Variants in COL25A1 observed in about 807,000 individuals in gnomAD.
COL25A1 encodes the protein collagen alpha-1(XXV) chain.
Under a neutral mutation model 128.4 loss-of-function variants are expected in COL25A1, and 103 were observed. The observed-to-expected ratio is 0.80, with a 90% CI of 0.68 to 0.94. The LOEUF is 0.94. Ranked by LOEUF, COL25A1 falls within the 40% of genes least tolerant of loss-of-function variation. The probability of loss-of-function intolerance (pLI) is 0.00; values close to 1 mark genes in which losing one functional copy is unlikely to be tolerated. For synonymous variants in COL25A1, 279 were observed against 277.2 expected (o/e 1.01, Z -0.06); for missense variants, 745 against 840.0 (o/e 0.89, Z 1.40).
At chr4:109,264,993 A>T (rs1781692423) in intron 3 of COL25A1, among the ~76,000 whole-genome samples, 1 of 149,576 alleles carries the variant, frequency 6.7e-6, no homozygotes, top group South Asian at 2.1e-4. Context: ...TTTCTAGTTA[A>T]TCTATTTATA....
intron 8 of COL25A1, among the ~76,000 whole-genome samples, chr4:108,972,732 GC>G (rs1215067696): frequency 1.3e-4 from 20 of 152,082 alleles, no homozygotes; most frequent in African/African-American, 4.8e-4. Context: ...GTGAAACTTG[GC>G]CCCACTCAGT....
intron 5 of COL25A1, among the ~76,000 whole-genome samples, chr4:109,019,369 CACACACATATATAT>C (rs1426690520): frequency 0.091 from 838 of 9,232 alleles, 21 homozygotes; most frequent in African/African-American, 0.35. Flanking sequence ...CACACACACA[CACACACATATATAT>C]ATATATATAT....
intron 4 of COL25A1, among the ~76,000 whole-genome samples, chr4:109,049,664 G>T (rs1246739422): frequency 6.6e-6 from 1 of 152,206 alleles, no homozygotes; most frequent in African/African-American, 2.4e-5. Flanking sequence ...AACGGTAAGA[G>T]TAAAAGCATG....
At chr4:109,101,148 G>A (rs1171069844) in intron 3 of COL25A1, among the ~76,000 whole-genome samples, 3 of 152,082 alleles carry the variant, frequency 2.0e-5, no homozygotes, top group East Asian at 1.9e-4. Context: ...TTGATGTCAC[G>A]GAATTGTCTT....
chr4:109,298,421 A>G (rs1725196077), intron 3 of COL25A1, among the ~76,000 whole-genome samples: 1 of 152,136 alleles, frequency 6.6e-6, no homozygotes, highest in East Asian at 1.9e-4. Context: ...CAAGAGTGTT[A>G]ACTTCAAGGG....
chr4:109,131,646 C>T (rs1247191727), intron 3 of COL25A1, among the ~76,000 whole-genome samples: 2 of 152,188 alleles, frequency 1.3e-5, no homozygotes, highest in African/African-American at 4.8e-5. Flanking sequence ...TCTTCCCTCT[C>T]ATATCTCATT....
chr4:108,915,204 T>C (rs1744726360), intron 13 of COL25A1, among the ~76,000 whole-genome samples: 1 of 152,186 alleles, frequency 6.6e-6, no homozygotes. Context: ...GTATTCAGAT[T>C]AGCAATCAAG....
chr4:109,290,046 A>G (rs1490659441), intron 3 of COL25A1, among the ~76,000 whole-genome samples: 1 of 152,128 alleles, frequency 6.6e-6, no homozygotes, highest in Non-Finnish European at 1.5e-5. Context: ...ATACATATAT[A>G]CAGGGGATAC....
At chr4:109,154,954 A>G (rs1374885819) in intron 3 of COL25A1, among the ~76,000 whole-genome samples, 3 of 152,160 alleles carry the variant, frequency 2.0e-5, no homozygotes, top group Admixed American at 6.5e-5. Context: ...GAAAATGATC[A>G]TATTACACCC....
intron 3 of COL25A1, among the ~76,000 whole-genome samples, chr4:109,073,163 T>G (rs1560640061): frequency 6.6e-6 from 1 of 152,130 alleles, no homozygotes; most frequent in Non-Finnish European, 1.5e-5. Context: ...GGGGCGCATG[T>G]GCATGGGTGT....
At chr4:108,843,850 C>G (rs1426005713) in intron 30 of COL25A1, among the ~76,000 whole-genome samples, 1 of 151,586 alleles carries the variant, frequency 6.6e-6, no homozygotes, top group Non-Finnish European at 1.5e-5. Context: ...GTTCAAACCT[C>G]AAACTTTGTC....
At chr4:108,954,755 T>C (rs1250036590) in intron 8 of COL25A1, among the ~76,000 whole-genome samples, 1 of 152,036 alleles carries the variant, frequency 6.6e-6, no homozygotes, top group Non-Finnish European at 1.5e-5. Flanking sequence ...TAACATGGTC[T>C]TTCAACTTAG....
At chr4:108,927,394 T>TG (rs1413695890) in intron 11 of COL25A1, among the ~76,000 whole-genome samples, 2 of 152,216 alleles carry the variant, frequency 1.3e-5, no homozygotes, top group Admixed American at 1.3e-4. Flanking sequence ...ATGGAAAAAA[T>TG]GAATGAATGA....
At chr4:109,085,168 G>T (rs1021961327) in intron 3 of COL25A1, among the ~76,000 whole-genome samples, 6 of 152,070 alleles carry the variant, frequency 3.9e-5, no homozygotes, top group Non-Finnish European at 8.8e-5. Context: ...ATCCATTGCA[G>T]CTGGGGCTCC....
Position 108,901,134 on chromosome 4 carries a change from T to C in COL25A1, c.819A>G (p.Gly273=). 1 of 1,612,402 alleles carries C rather than the reference T, an allele frequency of 6.2e-7. No homozygotes were observed. The highest frequency in any genetic ancestry group is 1.1e-5 in the South Asian group (1 of 90,988). Residue 273 remains glycine, a synonymous_variant, in exon 14 of 38, where the codon GGA becomes GGG. Transcript: ENST00000399132. Reference sequence around the variant, plus strand: ...TTGTACTAACCTTAGGTCCTGGTATTCCATTCTGTCCTACTGCTCCAGGCA... The same window carrying C: ...TTGTACTAACCTTAGGTCCTGGTATCCCATTCTGTCCTACTGCTCCAGGCA... The part of the protein sequence containing the change: ...PGLPGAVGQN[G]IPGPKGEPGE...
chr4:109,037,984 AAAG>A (rs1186976588), intron 5 of COL25A1, among the ~76,000 whole-genome samples: 1 of 152,230 alleles, frequency 6.6e-6, no homozygotes, highest in Non-Finnish European at 1.5e-5. Flanking sequence ...GAAATGGATA[AAAG>A]AAGGAGGAAG....
At chr4:109,160,379 T>C (rs1772447672) in intron 3 of COL25A1, among the ~76,000 whole-genome samples, 1 of 152,232 alleles carries the variant, frequency 6.6e-6, no homozygotes, top group Non-Finnish European at 1.5e-5. Flanking sequence ...AATTTTAAGT[T>C]ATGTTTATAA....
chr4:108,980,792 A>G (rs528875452), intron 6 of COL25A1, among the ~76,000 whole-genome samples: 1 of 152,334 alleles, frequency 6.6e-6, no homozygotes, highest in South Asian at 2.1e-4. Context: ...TTTTAAAGAT[A>G]AAGAAGATAG....
chr4:109,056,126 C>A (rs2125953657), intron 3 of COL25A1, among the ~76,000 whole-genome samples: 1 of 152,172 alleles, frequency 6.6e-6, no homozygotes, highest in African/African-American at 2.4e-5. Context: ...ATACAGTAAT[C>A]ATTTTAAAGA....
Sources: gnomAD v4.1 joint callset for allele counts (sites outside exome capture counted in the v4.1 genomes callset) on GRCh38, gnomAD v4.1.1 for gene constraint, MANE v1.5 for transcripts, NCBI Gene and HGNC (gene_info 2026-07-23, HGNC 2026-07-21) for gene names.